Variants in SEMA3E observed in about 807,000 individuals in gnomAD.
SEMA3E encodes the protein semaphorin-3E.
Under a neutral mutation model 93.6 loss-of-function variants are expected in SEMA3E, and 49 were observed. The observed-to-expected ratio is 0.52, with a 90% confidence interval of 0.42 to 0.66. The LOEUF is 0.66. SEMA3E is among the 30% of genes least tolerant of loss of function. The probability of loss-of-function intolerance (pLI) is 0.00; values close to 1 mark genes in which losing one functional copy is unlikely to be tolerated. For synonymous variants in SEMA3E, 363 were observed against 330.7 expected, an observed-to-expected ratio of 1.10 and a Z score of -1.06; for missense variants, 906 against 964.8, an observed-to-expected ratio of 0.94 and a Z score of 0.81.
At chr7:83,388,161 T>C (rs949572428) in intron 14 of SEMA3E, among the ~76,000 whole-genome samples, 26 of 147,988 alleles carry the variant, frequency 1.8e-4, no homozygotes, top group Non-Finnish European at 3.3e-4. Flanking sequence ...ATACAAAAAT[T>C]AGTCGGGCGT....
rs914785372 is a variant in SEMA3E at position 83,364,939 on chromosome 7, G to C, written c.*2647C>G. 5 of 152,170 alleles carry C rather than the reference G, an allele frequency of 3.3e-5. No homozygotes were observed. The highest frequency in any genetic ancestry group is 4.8e-5 in the African/African-American group (2 of 41,448). The allele number at this position is 152,170 out of a possible 1,614,324, so 9.4% of individuals were successfully genotyped here. On this transcript the variant is annotated 3_prime_UTR_variant, in exon 17 of 17. Coordinates refer to ENST00000643230, the MANE Select transcript of SEMA3E (RefSeq NM_012431.3). Reference sequence around the variant, plus strand: ...ATGTGCCCTCCCTGAGTTCAGAGAAGATCCATCCATTTTTAATTTTTAAAG... The same window carrying C: ...ATGTGCCCTCCCTGAGTTCAGAGAACATCCATCCATTTTTAATTTTTAAAG...
At chr7:83,388,802 T>C (rs975735284) in intron 14 of SEMA3E, among the ~76,000 whole-genome samples, 8 of 99,630 alleles carry the variant, frequency 8.0e-5, no homozygotes, top group Non-Finnish European at 1.6e-4. Flanking sequence ...TAAAATCTAT[T>C]TCAGTCTTTT....
At chr7:83,563,780 T>C (rs1049433790) in intron 1 of SEMA3E, among the ~76,000 whole-genome samples, 8 of 152,194 alleles carry the variant, frequency 5.3e-5, no homozygotes, top group African/African-American at 1.9e-4. Context: ...CTCCTCTCCA[T>C]TTAGCCTTCC....
chr7:83,614,856 G>A (rs542552162), intron 1 of SEMA3E, among the ~76,000 whole-genome samples: 1 of 152,180 alleles, frequency 6.6e-6, no homozygotes, highest in East Asian at 1.9e-4. Context: ...ACTTCCAAAG[G>A]ATGACAGGGA....
chr7:83,385,057 A>G (rs1787850897), intron 16 of SEMA3E, among the ~76,000 whole-genome samples: 1 of 150,862 alleles, frequency 6.6e-6, no homozygotes, highest in Non-Finnish European at 1.5e-5. Context: ...AATGATTTCT[A>G]TGTATGTGTA....
At chr7:83,552,765 C>G (rs1791791593) in intron 1 of SEMA3E, among the ~76,000 whole-genome samples, 2 of 152,042 alleles carry the variant, frequency 1.3e-5, no homozygotes, top group Admixed American at 6.6e-5. Context: ...GCGAAAAACT[C>G]CACCCTGGCA....
chr7:83,459,699 G>A (rs375541053), intron 4 of SEMA3E, among the ~76,000 whole-genome samples: 11 of 152,280 alleles, frequency 7.2e-5, no homozygotes, highest in East Asian at 1.9e-4. Flanking sequence ...CCAAGCCATC[G>A]CATCCCCTGT....
chr7:83,378,747 C>G (rs751062280), intron 16 of SEMA3E, among the ~76,000 whole-genome samples: 3 of 151,828 alleles, frequency 2.0e-5, no homozygotes, highest in Non-Finnish European at 4.4e-5. Context: ...TTATTTAAGC[C>G]ATACAGCTCT....
At chr7:83,470,202 A>C (rs2115894565) in intron 2 of SEMA3E, among the ~76,000 whole-genome samples, 1 of 152,334 alleles carries the variant, frequency 6.6e-6, no homozygotes. Flanking sequence ...GATAAGAAGA[A>C]TATATCGAAT....
At chr7:83,574,556 C>G (rs547730363) in intron 1 of SEMA3E, among the ~76,000 whole-genome samples, 21 of 147,512 alleles carry the variant, frequency 1.4e-4, no homozygotes, top group African/African-American at 2.0e-4. Context: ...TACTCTTTAC[C>G]CACATAAACT....
intron 1 of SEMA3E, among the ~76,000 whole-genome samples, chr7:83,605,991 C>T (rs543800067): frequency 6.6e-6 from 1 of 152,070 alleles, no homozygotes; most frequent in Non-Finnish European, 1.5e-5. Context: ...GTTGCAATTG[C>T]TTTTGGTATT....
chr7:83,544,455 A>G (rs1791603518), intron 1 of SEMA3E, among the ~76,000 whole-genome samples: 1 of 152,234 alleles, frequency 6.6e-6, no homozygotes, highest in East Asian at 1.9e-4. Context: ...CCAACTGGGG[A>G]GGCATGAAAG....
At chr7:83,489,807 T>C (rs980876116) in intron 2 of SEMA3E, among the ~76,000 whole-genome samples, 1 of 152,110 alleles carries the variant, frequency 6.6e-6, no homozygotes, top group Non-Finnish European at 1.5e-5. Context: ...TGGTGATTCA[T>C]CATGCTCCAA....
At chr7:83,399,995 T>C in intron 11 of SEMA3E, 33 bp downstream of exon 11, 2 of 1,482,966 alleles carry the variant, frequency 1.3e-6, no homozygotes, top group Non-Finnish European at 1.9e-6. Context: ...AGGGTCAATT[T>C]AAATATCTCT....
intron 2 of SEMA3E, among the ~76,000 whole-genome samples, chr7:83,483,262 C>T (rs965574107): frequency 1.3e-5 from 2 of 152,010 alleles, no homozygotes; most frequent in Non-Finnish European, 2.9e-5. Flanking sequence ...AAATATATTT[C>T]AATGTTACTT....
chr7:83,640,319 C>T (rs185194663), intron 1 of SEMA3E, among the ~76,000 whole-genome samples: 24 of 152,250 alleles, frequency 1.6e-4, no homozygotes, highest in Admixed American at 9.2e-4. Flanking sequence ...AGAAAACAAA[C>T]CAAAAGTGCA....
chr7:83,580,035 T>C (rs1233069167), intron 1 of SEMA3E, among the ~76,000 whole-genome samples: 1 of 151,978 alleles, frequency 6.6e-6, no homozygotes, highest in East Asian at 1.9e-4. Context: ...AGCAATCAAT[T>C]TAATTTTATG....
At chr7:83,569,323 T>C (rs986883293) in intron 1 of SEMA3E, among the ~76,000 whole-genome samples, 1 of 151,894 alleles carries the variant, frequency 6.6e-6, no homozygotes, top group Admixed American at 6.6e-5. Flanking sequence ...TATAAAGCAA[T>C]TACATAATTA....
chr7:83,608,736 C>T (rs959209125), intron 1 of SEMA3E, among the ~76,000 whole-genome samples: 7 of 152,060 alleles, frequency 4.6e-5, no homozygotes, highest in South Asian at 2.1e-4. Context: ...TGTTTGAATT[C>T]GTATGCAAGA....
Sources: allele counts gnomAD v4.1 joint callset (sites outside exome capture counted in the v4.1 genomes callset), GRCh38; gene constraint gnomAD v4.1.1; transcripts MANE v1.5; gene names NCBI Gene and HGNC (gene_info 2026-07-23, HGNC 2026-07-21).